The following DNAH17 variants were observed in gnomAD, a reference collection of about 807,000 sequenced individuals.
DNAH17 encodes dynein axonemal heavy chain 17.
In DNAH17, 376 loss-of-function variants were observed where a neutral mutation model predicts 485.6. The ratio of observed to expected loss-of-function variants is 0.77; its 90% CI spans 0.71 to 0.84. The LOEUF is 0.84. Ranked by LOEUF, DNAH17 falls within the 40% of genes least tolerant of loss-of-function variation. The probability of loss-of-function intolerance (pLI) is 0.00; values close to 1 mark genes in which losing one functional copy is unlikely to be tolerated. For synonymous variants in DNAH17, 3,031 were observed against 2,405.9 expected (o/e 1.26, Z -7.60); for missense variants, 6,370 against 5,839.3 (o/e 1.09, Z -2.96).
intron 2 of DNAH17, among the ~76,000 whole-genome samples, chr17:78,574,324 G>C (rs966710791): frequency 3.9e-5 from 6 of 152,008 alleles, no homozygotes; most frequent in African/African-American, 1.2e-4. Flanking sequence ...TTTTTGGTGA[G>C]ACCTCATCTC....
chr17:78,467,711 G>T (rs944281715), intron 55 of DNAH17, among the ~76,000 whole-genome samples: 1 of 152,140 alleles, frequency 6.6e-6, no homozygotes, highest in African/African-American at 2.4e-5. Context: ...TGTCCTACTA[G>T]GGGAGTTTAG....
chr17:78,454,428 A>G, intron 64 of DNAH17, 42 bp downstream of exon 64: 6 of 1,539,250 alleles, frequency 3.9e-6, no homozygotes, highest in Admixed American at 1.9e-5. Context: ...CGTGCTTCCA[A>G]GCAGAGCCGG....
intron 31 of DNAH17, among the ~76,000 whole-genome samples, chr17:78,503,589 C>T (rs1054576471): frequency 1.4e-4 from 22 of 152,104 alleles, no homozygotes; most frequent in Non-Finnish European, 2.5e-4. Flanking sequence ...TGGGCTCAAG[C>T]GATGCTTCCA....
At chr17:78,545,379 G>A (rs1036536608) in intron 16 of DNAH17, among the ~76,000 whole-genome samples, 2 of 152,198 alleles carry the variant, frequency 1.3e-5, no homozygotes, top group Non-Finnish European at 2.9e-5. Context: ...GGGGGCTTAA[G>A]CAACAGACAT....
At chr17:78,462,263 G>A (rs1242925018) in intron 57 of DNAH17, among the ~76,000 whole-genome samples, 2 of 134,812 alleles carry the variant, frequency 1.5e-5, no homozygotes, top group African/African-American at 5.3e-5. Context: ...TAGGGGGGTG[G>A]GGGGGTGGGG....
At chr17:78,480,817 C>A (rs778805919) in intron 48 of DNAH17, 31 bp from the exon 49 acceptor site, 1 of 1,548,434 alleles carries the variant, frequency 6.5e-7, no homozygotes, top group Non-Finnish European at 8.9e-7. Flanking sequence ...TCATGTTGTG[C>A]CCCTGGCCTG....
chr17:78,508,435 T>C (rs1391612194), intron 27 of DNAH17, among the ~76,000 whole-genome samples: 1 of 152,228 alleles, frequency 6.6e-6, no homozygotes, highest in Non-Finnish European at 1.5e-5. Flanking sequence ...ACTCAGTACT[T>C]AAGTGTTCAA....
In DNAH17 at chr17:78,425,387, G is replaced by C. The variant is rs760843927; in HGVS notation, c.13100C>G (p.Pro4367Arg). ...TKKNREDMTA[P>R]PREGSYVYGL... ...GTACACGTAGGAGCCCTCTCGCGGA[G>C]GAGCGGTCATGTCCTCTCGGTTTTT... The change falls in exon 80 of 81, where the codon CCT becomes CGT. Residue 4367 changes from proline to arginine, a missense_variant. Transcript: ENST00000389840. 9 of 1,613,890 alleles carry C rather than the reference G, an allele frequency of 5.6e-6. No homozygotes were observed. The highest frequency in any genetic ancestry group is 1.7e-5 in the Admixed American group (1 of 60,004).
At position 78,483,133 on chromosome 17, in the gene DNAH17, G is replaced by T. The variant is rs375404352; in HGVS notation, c.7649+1735C>A. On this transcript the variant is annotated intron_variant, in intron 48 of 80. Coordinates refer to ENST00000389840, the MANE Select transcript of DNAH17 (RefSeq NM_173628.4). ...AATCTCCCACCCCACACCACGTTAGGTTCTCCTCAAATGATGTCAAACTCT... is the reference window on the plus strand; with the variant it reads ...AATCTCCCACCCCACACCACGTTAGTTTCTCCTCAAATGATGTCAAACTCT... 6.8e-4 allele frequency among the ~76,000 whole-genome samples: 76 copies of T among 111,264 alleles called. 1 individual carries two copies. In the Middle Eastern group the frequency reaches 0.019, roughly 27 times the overall value. 73.0% of individuals were successfully genotyped at this position (111,264 alleles called of 152,430 possible). A position where few individuals can be genotyped will look rare whatever the true frequency, so the allele number is the denominator to read the frequency against.
At chr17:78,489,550 T>G (rs1218055944) in intron 44 of DNAH17, 1 of 152,300 alleles carries the variant, frequency 6.6e-6, no homozygotes, top group Non-Finnish European at 1.5e-5. Context: ...GTCCTTGGCT[T>G]GACTCTGGGT....
intron 9 of DNAH17, among the ~76,000 whole-genome samples, 198 bp from the exon 10 acceptor site, chr17:78,567,364 G>A (rs1450372329): frequency 6.6e-6 from 1 of 152,036 alleles, no homozygotes; most frequent in Non-Finnish European, 1.5e-5. Context: ...CAGAAAGAGG[G>A]GATGGAAGGA....
At chr17:78,552,462 A>G (rs907560523) in intron 15 of DNAH17, among the ~76,000 whole-genome samples, 1 of 151,146 alleles carries the variant, frequency 6.6e-6, no homozygotes, top group Non-Finnish European at 1.5e-5. Context: ...ACCTCTTGGC[A>G]GTTCCCAGGG....
intron 75 of DNAH17, among the ~76,000 whole-genome samples, chr17:78,430,052 C>T (rs566288527): frequency 2.6e-5 from 4 of 152,356 alleles, no homozygotes; most frequent in South Asian, 4.1e-4. Flanking sequence ...TTCCCACTCC[C>T]TTCATGCTTC....
Position 78,502,960 on chromosome 17 carries a change from G to A in DNAH17, c.5008C>T (p.His1670Tyr). 6.2e-7 allele frequency: 1 copy of A among 1,613,928 alleles called. No individual in the cohort carries two copies. Among genetic ancestry groups the A allele is most frequent in the Non-Finnish European group, 8.5e-7 (1 of 1,179,884 alleles). The change falls in exon 32 of 81, where the codon CAC becomes TAC. Residue 1670 changes from histidine (H) to tyrosine (Y), a missense_variant. Transcript: ENST00000389840. Reference protein sequence around the residue: ...VLDRMCSTLRHEIPEAVVTYE... With the variant: ...VLDRMCSTLRYEIPEAVVTYE... ...GTCACCACGGCCTCTGGGATTTCGT[G>A]CCGGAGGGTAGAGCACATTCGGTCC... is the stretch of plus-strand genomic sequence containing the variant.
At chr17:78,539,586 G>T (rs2091466625) in intron 18 of DNAH17, 151 bp downstream of exon 18, 2 of 705,032 alleles carry the variant, frequency 2.8e-6, no homozygotes, top group Non-Finnish European at 4.2e-6. Context: ...GGACTTCCAG[G>T]TTTAAAACCA....
In DNAH17 at chr17:78,459,180, G is replaced by A. The variant is rs560392557; in HGVS notation, c.9682C>T (p.Pro3228Ser). 5.0e-6 allele frequency: 8 copies of A among 1,613,918 alleles called. No individual in the cohort carries two copies. The African/African-American group carries it at 1.1e-4, about 22-fold the overall frequency. The change falls in exon 61 of 81, where the codon CCC becomes TCC. Residue 3228 changes from proline (P) to serine (S), a missense_variant. By Grantham distance (74) the Pro-to-Ser change is moderately conservative. Coordinates refer to ENST00000389840, the MANE Select transcript of DNAH17 (RefSeq NM_173628.4). ...GTGGACTTGGAGCGGATGAACTCGG[G>A]GTCGAACGTCGGGTTGCCTTGGTAG... ...KPYQGNPTFD[P>S]EFIRSKSTAA...
chr17:78,472,258 TAGGGTTAGGGAGTAGGGGTGCG>T (rs1568106200), intron 54 of DNAH17, among the ~76,000 whole-genome samples: 8 of 146,018 alleles, frequency 5.5e-5, no homozygotes, highest in African/African-American at 2.1e-4. Flanking sequence ...GTGCGAGGGT[TAGGGTTAGGGAGTAGGGGTGCG>T]AGGGTTAGGG....
At chr17:78,479,420 G>C in intron 50 of DNAH17, 65 bp downstream of exon 50, 1 of 1,498,124 alleles carries the variant, frequency 6.7e-7, no homozygotes, top group Non-Finnish European at 8.9e-7. Flanking sequence ...AAAATGTGAA[G>C]AACCATCAGC....
At chr17:78,555,598 T>G (rs1374134617) in intron 14 of DNAH17, among the ~76,000 whole-genome samples, 1 of 140,362 alleles carries the variant, frequency 7.1e-6, no homozygotes, top group Non-Finnish European at 1.5e-5. Flanking sequence ...AAGGCATCAG[T>G]GTGATGACGG....
Sources: allele counts gnomAD v4.1 joint callset (sites outside exome capture counted in the v4.1 genomes callset), GRCh38; gene constraint gnomAD v4.1.1; transcripts MANE v1.5; gene names NCBI Gene and HGNC (gene_info 2026-07-23, HGNC 2026-07-21).